TBX1: variants seen among roughly 807,000 people sequenced by gnomAD.
TBX1 encodes T-box transcription factor 1, also known as T-box transcription factor TBX1.
Under a neutral mutation model 40.8 loss-of-function variants are expected in TBX1, and 16 were observed. That is an observed-to-expected ratio of 0.39 (90% CI 0.27 to 0.60). The LOEUF is 0.60. TBX1 is among the 20% of genes least tolerant of loss of function. TBX1 has a pLI of 0.51. For missense variants in TBX1, 755 were observed against 728.5 expected (o/e 1.04, Z -0.42); for synonymous variants, 403 against 336.8 (o/e 1.20, Z -2.15).
At chr22:19,780,284 C>G (rs754955621), downstream of TBX1, among the ~76,000 whole-genome samples, 6 of 152,144 alleles carry the variant, frequency 3.9e-5, no homozygotes, top group Admixed American at 1.3e-4. Context: ...CTCCTCATTC[C>G]CCTCCCCTGG....
chr22:19,761,047 C>G lies in TBX1; in HGVS notation c.204C>G (p.Gly68=). The G allele has an allele frequency of 1.1e-6, 1 of 892,022 alleles. No homozygotes were observed. Among genetic ancestry groups the G allele is most frequent in the African/African-American group, 1.8e-5 (1 of 54,398 alleles). 55.3% of individuals were successfully genotyped at this position (892,022 alleles called of 1,614,324 possible). A position where few individuals can be genotyped will look rare whatever the true frequency, so the allele number is the denominator to read the frequency against. Residue 68 remains glycine, a synonymous_variant, in exon 1 of 7, where the codon GGC becomes GGG. Coordinates refer to ENST00000649276, the MANE Select transcript of TBX1 (RefSeq NM_001379200.1). ...ACCCGTGCGCCGCCGCCGCCCCCGG[C>G]GCCCCGGGCCCGCCGCCGCCGCCGC... ...RYDPCAAAAP[G]APGPPPPPHA...
At chr22:19,764,036 G>C in intron 2 of TBX1, 119 bp from the exon 3 acceptor site, 1 of 1,123,434 alleles carries the variant, frequency 8.9e-7, no homozygotes, top group East Asian at 2.5e-5. Flanking sequence ...CGGCAGCAGA[G>C]GGTTCAATCT....
intron 8 of TBX1, among the ~76,000 whole-genome samples, chr22:19,777,638 G>A (rs749429871): frequency 5.9e-5 from 9 of 151,958 alleles, no homozygotes; most frequent in Non-Finnish European, 1.3e-4. Flanking sequence ...ATGCCTTCTC[G>A]TCTGTTTTGA....
rs1365144795 is a variant in TBX1, at chr22:19,767,290, A to G, written c.*423A>G. The stretch of plus-strand genomic sequence containing the variant: ...TGTAGATACTGTAGATACTGTAGAT[A>G]CCGCCCCGGCGCCGACTTGATAAAC... On this transcript the variant is annotated 3_prime_UTR_variant, in exon 7 of 7. Coordinates refer to ENST00000649276, the MANE Select transcript of TBX1 (RefSeq NM_001379200.1). 13 of 995,104 alleles carry G rather than the reference A, an allele frequency of 1.3e-5. No individual in the cohort carries two copies. The highest frequency in any genetic ancestry group is 1.2e-4 in the Admixed American group (2 of 16,502). 61.6% of individuals were successfully genotyped at this position (995,104 alleles called of 1,614,324 possible).
intron 8 of TBX1, among the ~76,000 whole-genome samples, chr22:19,776,727 C>T (rs1321896020): frequency 6.6e-6 from 1 of 152,228 alleles, no homozygotes; most frequent in Non-Finnish European, 1.5e-5. Context: ...GACGTCCATG[C>T]CAGCCACCAA....
downstream of TBX1, chr22:19,779,679 C>T (rs939190558): frequency 6.8e-6 from 5 of 734,548 alleles, no homozygotes; most frequent in African/African-American, 1.8e-5. Context: ...ATGGAAACTA[C>T]AAGCTTAACA....
chr22:19,776,759 G>T (rs925613450), intron 8 of TBX1, among the ~76,000 whole-genome samples: 10 of 152,218 alleles, frequency 6.6e-5, no homozygotes, highest in Non-Finnish European at 1.5e-4. Flanking sequence ...CACACTACCC[G>T]CATGTGCCTC....
downstream of TBX1, among the ~76,000 whole-genome samples, chr22:19,781,042 A>G (rs1937138248): frequency 6.6e-6 from 1 of 151,912 alleles, no homozygotes; most frequent in Admixed American, 6.5e-5. Flanking sequence ...TCAGCCTCCC[A>G]AAGTGCTGGG....
In TBX1 at chr22:19,766,536, C is replaced by T. The variant is rs1232926833; in HGVS notation, c.1184C>T (p.Pro395Leu). The T allele has an allele frequency of 1.5e-6, 2 of 1,346,294 alleles. No homozygotes were observed. Among genetic ancestry groups the T allele is most frequent in the Admixed American group, 7.0e-5 (2 of 28,468 alleles). 83.4% of individuals were successfully genotyped at this position (1,346,294 alleles called of 1,614,324 possible). A position where few individuals can be genotyped will look rare whatever the true frequency, so the allele number is the denominator to read the frequency against. Residue 395 changes from proline to leucine, a missense_variant, in exon 7 of 7, where the codon CCC becomes CTC. Physicochemically the swap from Pro to Leu is moderately conservative, Grantham distance 98. Around this residue, in one of 3 missense-constraint regions of TBX1, gnomAD observed 412 missense variants for 317.6 expected, o/e 1.30. Transcript: ENST00000649276. ...AGGAGGLVPL[P>L]GAPGGRPSPP... Reference sequence around the variant, plus strand: ...GGCGCCGGCGGCTTAGTCCCGCTGCCCGGCGCGCCCGGAGGCCGGCCCAGT... The same window carrying T: ...GGCGCCGGCGGCTTAGTCCCGCTGCTCGGCGCGCCCGGAGGCCGGCCCAGT...
chr22:19,757,116 G>T (rs888385827), upstream of TBX1, among the ~76,000 whole-genome samples: 1 of 152,204 alleles, frequency 6.6e-6, no homozygotes, highest in Non-Finnish European at 1.5e-5. Flanking sequence ...GGGTCCGGGG[G>T]TCCGAAATCA....
At chr22:19,765,275 GC>G (rs1301157478) in intron 4 of TBX1, among the ~76,000 whole-genome samples, 162 bp downstream of exon 4, 1 of 152,170 alleles carries the variant, frequency 6.6e-6, no homozygotes, top group East Asian at 1.9e-4. Context: ...GCCTCAGGCA[GC>G]CCCCTCCCTC....
chr22:19,766,991 C>T lies in TBX1; in HGVS notation c.*124C>T, dbSNP rs889645777. The T allele has an allele frequency of 7.7e-6, 11 of 1,430,166 alleles. No individual in the cohort carries two copies. In the Admixed American group the frequency reaches 7.9e-5, roughly 10 times the overall value. The allele number at this position is 1,430,166 out of a possible 1,614,324, so 88.6% of individuals were successfully genotyped here. A position where few individuals can be genotyped will look rare whatever the true frequency, so the allele number is the denominator to read the frequency against. ...CAGCCCCAGGGGCCACCGCGGCTCT[C>T]CCCTTCCCCAGCCTCGAAGCCATGG... is the stretch of plus-strand genomic sequence containing the variant. On this transcript the variant is annotated 3_prime_UTR_variant, in exon 7 of 7. Coordinates refer to ENST00000649276, the MANE Select transcript of TBX1 (RefSeq NM_001379200.1).
intron 6 of TBX1, 150 bp from the exon 7 acceptor site, chr22:19,766,239 G>A (rs1936837475): frequency 8.8e-7 from 1 of 1,130,840 alleles, no homozygotes; most frequent in South Asian, 4.4e-5. Flanking sequence ...CGGGGCGCCG[G>A]CGACTTGGGG....
At chr22:19,771,279 T>C (rs1261351948), downstream of TBX1, among the ~76,000 whole-genome samples, 2 of 152,202 alleles carry the variant, frequency 1.3e-5, no homozygotes, top group Non-Finnish European at 2.9e-5. Flanking sequence ...ACCTTTTTCC[T>C]TGGTGCTACC....
At chr22:19,757,197 C>T (rs1263830841), upstream of TBX1, among the ~76,000 whole-genome samples, 1 of 152,184 alleles carries the variant, frequency 6.6e-6, no homozygotes, top group African/African-American at 2.4e-5. Context: ...CCCCTCACCT[C>T]TTCCCGTCGC....
At chr22:19,765,556 A>G (rs1349644264) in intron 4 of TBX1, among the ~76,000 whole-genome samples, 1 of 152,030 alleles carries the variant, frequency 6.6e-6, no homozygotes, top group Admixed American at 6.5e-5. Context: ...TTCCCTAGTG[A>G]GAGAGGAGGT....
chr22:19,777,637 C>T (rs764518685), intron 8 of TBX1, among the ~76,000 whole-genome samples: 2 of 152,158 alleles, frequency 1.3e-5, no homozygotes, highest in South Asian at 2.1e-4. Context: ...CATGCCTTCT[C>T]GTCTGTTTTG....
Position 19,760,902 on chromosome 22 carries a change from C to T in TBX1, c.59C>T (p.Ala20Val). ...CAGCTCTCGCATTTCTGCGACGTTGCAGCCTTCACGGCCAGCAGCCTGAGC... is the reference window on the plus strand; with the variant it reads ...CAGCTCTCGCATTTCTGCGACGTTGTAGCCTTCACGGCCAGCAGCCTGAGC... ...LTQLSHFCDV[A>V]AFTASSLSSL... Residue 20 changes from alanine (A) to valine (V), a missense_variant, in exon 1 of 7, where the codon GCA becomes GTA. Transcript: ENST00000649276. 1 of 1,058,966 alleles carries T rather than the reference C, an allele frequency of 9.4e-7. No individual in the cohort carries two copies. Among genetic ancestry groups the T allele is most frequent in the Non-Finnish European group, 1.2e-6 (1 of 867,170 alleles). 65.6% of individuals were successfully genotyped at this position (1,058,966 alleles called of 1,614,324 possible).
At chr22:19,763,777 T>G in intron 2 of TBX1, 1 of 401,434 alleles carries the variant, frequency 2.5e-6, no homozygotes, top group Non-Finnish European at 4.6e-6. Flanking sequence ...GCCCGGACAA[T>G]TAACAGCAAT....
Sources: gnomAD v4.1 joint callset for allele counts (sites outside exome capture counted in the v4.1 genomes callset) on GRCh38, gnomAD v4.1.1 for gene constraint, gnomAD v4.1.1 regional missense constraint, MANE v1.5 for transcripts, NCBI Gene and HGNC (gene_info 2026-07-23, HGNC 2026-07-21) for gene names.